Variants in KCNQ3 observed in about 807,000 individuals in gnomAD.
KCNQ3 encodes the protein potassium voltage-gated channel subfamily KQT member 3.
KCNQ3 carries 30 observed loss-of-function variants against 92.5 expected under a neutral mutation model. That is an observed-to-expected ratio of 0.32 (90% CI 0.24 to 0.44). KCNQ3 has a LOEUF of 0.44. Among genes scored for constraint, KCNQ3 ranks in the 20% least tolerant of loss-of-function variants. KCNQ3 has a pLI of 1.00. For synonymous variants in KCNQ3, 450 were observed against 468.8 expected (o/e 0.96, Z 0.52); for missense variants, 913 against 1,140.3 (o/e 0.80, Z 2.87).
intron 1 of KCNQ3, among the ~76,000 whole-genome samples, chr8:132,264,704 A>G (rs1410138342): frequency 6.6e-6 from 1 of 152,204 alleles, no homozygotes; most frequent in East Asian, 1.9e-4. Context: ...CTGGCTTTAA[A>G]TCCGTGCTCT....
In KCNQ3 at chr8:132,140,062, C is replaced by T. The variant is rs370848714; in HGVS notation, c.1568+14G>A. On this transcript the variant is annotated intron_variant, in intron 11 of 14. Transcript: ENST00000388996. The stretch of plus-strand genomic sequence containing the variant: ...GGAGGCACACAGGCACAGGTGGGAC[C>T]GTGGGGGCATTACCTGACGGCTCGG... The T allele has an allele frequency of 1.4e-4, 220 of 1,565,736 alleles. No homozygotes were observed. The highest frequency in any genetic ancestry group is 1.7e-4 in the Non-Finnish European group (201 of 1,151,532).
At chr8:132,233,607 T>C (rs1814709389) in intron 1 of KCNQ3, among the ~76,000 whole-genome samples, 1 of 152,180 alleles carries the variant, frequency 6.6e-6, no homozygotes, top group South Asian at 2.1e-4. Context: ...TCCTTAGACT[T>C]TCAATGCCAG....
intron 1 of KCNQ3, among the ~76,000 whole-genome samples, chr8:132,311,824 G>T (rs1220641000): frequency 6.6e-6 from 1 of 152,158 alleles, no homozygotes; most frequent in East Asian, 1.9e-4. Flanking sequence ...GCTGAATAAT[G>T]TCCCCCAAAT....
intron 1 of KCNQ3, among the ~76,000 whole-genome samples, chr8:132,292,145 A>C (rs573207164): frequency 1.2e-4 from 19 of 152,314 alleles, no homozygotes; most frequent in Admixed American, 9.1e-4. Context: ...TAAAATAATC[A>C]AATATATAAA....
intron 9 of KCNQ3, among the ~76,000 whole-genome samples, chr8:132,150,895 C>T (rs1378635113): frequency 6.6e-6 from 1 of 151,968 alleles, no homozygotes. Context: ...AAGGTAAGTG[C>T]TTGGATCAAA....
At chr8:132,426,563 G>A (rs565984367) in intron 1 of KCNQ3, among the ~76,000 whole-genome samples, 23 of 152,270 alleles carry the variant, frequency 1.5e-4, no homozygotes, top group South Asian at 6.2e-4. Flanking sequence ...GATCTCCCCC[G>A]TCCAGTGTCA....
At position 132,379,641 on chromosome 8, in the gene KCNQ3, C is replaced by T. The variant is rs2130752165; in HGVS notation, c.386+100506G>A. Among the ~76,000 whole-genome samples, 3 of 152,230 alleles carry T rather than the reference C, an allele frequency of 2.0e-5. No homozygotes were observed. The South Asian group carries it at 6.2e-4, about 32-fold the overall frequency. ...CTAAATATGCAAAATAATAATATTC[C>T]CCAATTGCCTTCTGCTGTAATTTCA... is the stretch of plus-strand genomic sequence containing the variant. On this transcript the variant is annotated intron_variant, in intron 1 of 14. Transcript: ENST00000388996.
At chr8:132,277,653 T>A (rs1055155804) in intron 1 of KCNQ3, among the ~76,000 whole-genome samples, 1 of 152,150 alleles carries the variant, frequency 6.6e-6, no homozygotes, top group Non-Finnish European at 1.5e-5. Flanking sequence ...AAGAACACCC[T>A]GCTAAGAAGC....
At chr8:132,265,443 GA>G (rs1563831942) in intron 1 of KCNQ3, among the ~76,000 whole-genome samples, 1 of 152,180 alleles carries the variant, frequency 6.6e-6, no homozygotes, top group Non-Finnish European at 1.5e-5. Flanking sequence ...GCAAGGGAAG[GA>G]AAAACCACGG....
chr8:132,453,560 G>A (rs142313021), intron 1 of KCNQ3, among the ~76,000 whole-genome samples: 231 of 152,276 alleles, frequency 1.5e-3, no homozygotes, highest in Non-Finnish European at 2.8e-3. Context: ...CCTTCTAGGC[G>A]GGTGGTGTCC....
chr8:132,361,909 C>A (rs932487072), intron 1 of KCNQ3, among the ~76,000 whole-genome samples: 1 of 152,130 alleles, frequency 6.6e-6, no homozygotes, highest in East Asian at 1.9e-4. Flanking sequence ...AAGACAATAA[C>A]TTCTTTAATC....
Position 132,330,161 on chromosome 8 carries a change from C to T in KCNQ3, c.387-143980G>A, listed in dbSNP as rs150680883. On this transcript the variant is annotated intron_variant, in intron 1 of 14. Coordinates refer to ENST00000388996, the MANE Select transcript of KCNQ3 (RefSeq NM_004519.4). ...CAAAGTGAAGATGGAGTGGAGACTG[C>T]AGTGATATGGCCACAAGCCCAGGAA... 3.6e-3 allele frequency among the ~76,000 whole-genome samples: 548 copies of T among 152,214 alleles called. 3 individuals carry two copies. The highest frequency in any genetic ancestry group is 0.012 in the African/African-American group (511 of 41,522).
At chr8:132,444,189 G>A (rs1485510413) in intron 1 of KCNQ3, among the ~76,000 whole-genome samples, 1 of 152,092 alleles carries the variant, frequency 6.6e-6, no homozygotes, top group African/African-American at 2.4e-5. Flanking sequence ...GAGGACGTGG[G>A]TGGGTTGCTG....
chr8:132,169,856 C>CTTTATT (rs1304346876), intron 8 of KCNQ3, among the ~76,000 whole-genome samples: 1 of 151,028 alleles, frequency 6.6e-6, no homozygotes, highest in Admixed American at 6.6e-5. Flanking sequence ...TTTTTTTTTT[C>CTTTATT]TTTATTTTTA....
chr8:132,192,017 G>T (rs1827176905), intron 1 of KCNQ3, among the ~76,000 whole-genome samples: 2 of 152,306 alleles, frequency 1.3e-5, no homozygotes, highest in East Asian at 3.9e-4. Context: ...CCATCCGGCT[G>T]ATTGAAATCT....
At chr8:132,134,529 G>A in intron 12 of KCNQ3, 141 bp from the exon 13 acceptor site, 5 of 650,030 alleles carry the variant, frequency 7.7e-6, no homozygotes, top group Non-Finnish European at 1.1e-5. Context: ...AGTGAGGAGA[G>A]GAGAGGGGAG....
intron 1 of KCNQ3, among the ~76,000 whole-genome samples, chr8:132,460,888 C>T (rs1426468899): frequency 6.6e-6 from 1 of 152,170 alleles, no homozygotes; most frequent in African/African-American, 2.4e-5. Flanking sequence ...CTATTCCACC[C>T]TCCTTCCCTA....
At position 132,234,338 on chromosome 8, in the gene KCNQ3, G is replaced by GTTTTT. The variant is rs756218792; in HGVS notation, c.387-48162_387-48158dup. Among the ~76,000 whole-genome samples, 61 of 85,668 alleles carry GTTTTT rather than the reference G, an allele frequency of 7.1e-4. 1 individual carries two copies. The highest frequency in any genetic ancestry group is 1.3e-3 in the Admixed American group (9 of 6,748). 56.2% of individuals were successfully genotyped at this position (85,668 alleles called of 152,430 possible). On this transcript the variant is annotated intron_variant, in intron 1 of 14. Transcript: ENST00000388996. The stretch of plus-strand genomic sequence containing the variant: ...CTGTGCATAATTCTGTCCATGAAAA[G>GTTTTT]TTTTTTTTTTTTTTTTTTTTTTTTT...
intron 1 of KCNQ3, among the ~76,000 whole-genome samples, chr8:132,280,091 G>A (rs992017676): frequency 6.6e-6 from 1 of 152,162 alleles, no homozygotes; most frequent in Non-Finnish European, 1.5e-5. Flanking sequence ...TTGGTCCCAT[G>A]GAACTTACAG....
Sources: gnomAD v4.1 joint callset for allele counts (sites outside exome capture counted in the v4.1 genomes callset) on GRCh38, gnomAD v4.1.1 for gene constraint, MANE v1.5 for transcripts, NCBI Gene and HGNC (gene_info 2026-07-23, HGNC 2026-07-21) for gene names.